Variants in TENM4 observed in about 807,000 individuals in gnomAD.
TENM4 encodes the protein teneurin-4.
Under a neutral mutation model 243.3 loss-of-function variants are expected in TENM4, and 82 were observed. That is an observed-to-expected ratio of 0.34 (90% CI 0.28 to 0.40). The LOEUF (loss-of-function observed/expected upper bound fraction) is 0.40. TENM4 is among the 10% of genes least tolerant of loss of function. TENM4 has a pLI of 1.00. For missense variants in TENM4, 3,138 were observed against 3,673.3 expected (o/e 0.85, Z 3.77); for synonymous variants, 1,412 against 1,456.3 (o/e 0.97, Z 0.69).
chr11:78,852,352 A>C (rs1296986995), intron 12 of TENM4, among the ~76,000 whole-genome samples: 3 of 152,206 alleles, frequency 2.0e-5, no homozygotes, highest in African/African-American at 7.2e-5. Flanking sequence ...ATTTCAAGTA[A>C]GCAGGAAATG....
chr11:79,376,031 C>T lies in TENM4; in HGVS notation c.-321+64478G>A, dbSNP rs937249306. On this transcript the variant is annotated intron_variant, in intron 1 of 33. Coordinates refer to ENST00000278550, the MANE Select transcript of TENM4 (RefSeq NM_001098816.3). ...GGAAAAGTTGTGTTAACACCAAGAA[C>T]ACTGGGGGACTGGATTCCTTAGACC... is the stretch of plus-strand genomic sequence containing the variant. 7.9e-5 allele frequency among the ~76,000 whole-genome samples: 12 copies of T among 152,324 alleles called. 1 individual carries two copies. Among genetic ancestry groups the T allele is most frequent in the Admixed American group, 3.9e-4 (6 of 15,296 alleles).
At chr11:79,393,379 C>G (rs1858275640) in intron 1 of TENM4, among the ~76,000 whole-genome samples, 1 of 152,176 alleles carries the variant, frequency 6.6e-6, no homozygotes, top group Admixed American at 6.5e-5. Flanking sequence ...GTTTCCTCAT[C>G]TTCACACTAA....
At chr11:79,051,920 G>A (rs1859804276) in intron 6 of TENM4, among the ~76,000 whole-genome samples, 1 of 152,164 alleles carries the variant, frequency 6.6e-6, no homozygotes, top group Non-Finnish European at 1.5e-5. Flanking sequence ...ATGGCTTCCA[G>A]CTCCATCCAT....
At chr11:78,695,488 C>T (rs780026142) in intron 28 of TENM4, among the ~76,000 whole-genome samples, 5 of 152,058 alleles carry the variant, frequency 3.3e-5, no homozygotes, top group African/African-American at 4.8e-5. Context: ...CTCAGCCTCC[C>T]GAGTAGCTGG....
chr11:79,070,078 G>A (rs1340655385), intron 4 of TENM4, 69 bp from the exon 5 acceptor site: 1 of 1,447,184 alleles, frequency 6.9e-7, no homozygotes, highest in South Asian at 1.5e-5. Context: ...CCTGGTCCTG[G>A]ATTCACCCTT....
chr11:78,854,989 G>A (rs1355496142), intron 11 of TENM4, among the ~76,000 whole-genome samples: 1 of 152,188 alleles, frequency 6.6e-6, no homozygotes, highest in African/African-American at 2.4e-5. Flanking sequence ...CAGTTACACT[G>A]TGTTAACAAC....
rs1565220021 is a variant in TENM4, at chr11:79,139,016, CTATAAATATATATTATATTTCTAT to C, written c.-66+9670_-66+9693del. 5.8e-4 allele frequency among the ~76,000 whole-genome samples: 10 copies of C among 17,298 alleles called. 2 individuals carry two copies. The highest frequency in any genetic ancestry group is 1.4e-3 in the African/African-American group (10 of 7,222). 11.3% of individuals were successfully genotyped at this position (17,298 alleles called of 152,430 possible). A position where few individuals can be genotyped will look rare whatever the true frequency, so the allele number is the denominator to read the frequency against. On this transcript the variant is annotated intron_variant, in intron 4 of 33. Coordinates refer to ENST00000278550, the MANE Select transcript of TENM4 (RefSeq NM_001098816.3). ...AATATATAAAATATATATTATATTT[CTATAAATATATATTATATTTCTAT>C]AAATATATAAAATATATATTATATT...
At chr11:79,281,628 G>A (rs1450138565) in intron 2 of TENM4, among the ~76,000 whole-genome samples, 2 of 152,102 alleles carry the variant, frequency 1.3e-5, no homozygotes, top group African/African-American at 2.4e-5. Context: ...GGGCCATGGA[G>A]GGAAAATAAG....
chr11:79,389,398 C>G (rs1326909261), intron 1 of TENM4, among the ~76,000 whole-genome samples: 2 of 152,206 alleles, frequency 1.3e-5, no homozygotes, highest in Non-Finnish European at 2.9e-5. Flanking sequence ...CTCAAGCAAT[C>G]CTTCTGCCTT....
intron 12 of TENM4, among the ~76,000 whole-genome samples, chr11:78,827,536 C>G (rs569134074): frequency 6.6e-6 from 1 of 151,642 alleles, no homozygotes; most frequent in Non-Finnish European, 1.5e-5. Context: ...GTTGGCCAGG[C>G]TGGAATGCAA....
At chr11:78,830,010 T>C (rs1461558609) in intron 12 of TENM4, among the ~76,000 whole-genome samples, 1 of 152,194 alleles carries the variant, frequency 6.6e-6, no homozygotes, top group African/African-American at 2.4e-5. Flanking sequence ...AGTGAGTCCG[T>C]GTGAGATGAT....
chr11:79,308,877 C>T lies in TENM4; in HGVS notation c.-320-11334G>A, dbSNP rs375237918. ...CCACTTTTGCAAGCTGCTGTGAGGA[C>T]GGAATGAGAAAAGGAGCAGGAAAGG... On this transcript the variant is annotated intron_variant, in intron 1 of 33. Transcript: ENST00000278550. Among the ~76,000 whole-genome samples the T allele has an allele frequency of 3.3e-4, 50 of 152,184 alleles. 1 individual carries two copies. The South Asian group carries it at 6.2e-3, about 19-fold the overall frequency.
chr11:79,219,848 G>T (rs1420259555), intron 2 of TENM4, among the ~76,000 whole-genome samples: 1 of 152,116 alleles, frequency 6.6e-6, no homozygotes, highest in African/African-American at 2.4e-5. Context: ...TGCTTCTGTT[G>T]GATTTCCCCC....
In TENM4 at chr11:79,295,850, CCGTAAG is replaced by C. The variant is rs530999297; in HGVS notation, c.-265+1632_-265+1637del. On this transcript the variant is annotated intron_variant, in intron 2 of 33. Transcript: ENST00000278550. ...TCTAGGTCTTGTTGAAAAATTACACCCGTAAGTGTTTTTTTTTTTTAATAAGAATTG... is the reference window on the plus strand; with the variant it reads ...TCTAGGTCTTGTTGAAAAATTACACCTGTTTTTTTTTTTTAATAAGAATTG... Among the ~76,000 whole-genome samples the C allele has an allele frequency of 6.3e-3, 576 of 91,688 alleles. 2 individuals are homozygous for C. The highest frequency in any genetic ancestry group is 0.021 in the African/African-American group (470 of 22,324). 60.2% of individuals were successfully genotyped at this position (91,688 alleles called of 152,430 possible).
intron 4 of TENM4, among the ~76,000 whole-genome samples, chr11:79,080,309 C>A (rs1156807475): frequency 2.0e-5 from 3 of 152,194 alleles, no homozygotes; most frequent in South Asian, 2.1e-4. Flanking sequence ...TCGAAGAGCC[C>A]ACAGGAATGT....
chr11:79,206,171 A>T (rs1316209974), intron 3 of TENM4, among the ~76,000 whole-genome samples: 1 of 152,182 alleles, frequency 6.6e-6, no homozygotes, highest in East Asian at 1.9e-4. Context: ...AATCAAAAAG[A>T]AGGCAGAAGA....
At position 78,701,727 on chromosome 11, in the gene TENM4, A is replaced by G. The variant is rs1242833996; in HGVS notation, c.4886T>C (p.Val1629Ala). 1 of 1,613,832 alleles carries G rather than the reference A, an allele frequency of 6.2e-7. No homozygotes were observed. The highest frequency in any genetic ancestry group is 8.5e-7 in the Non-Finnish European group (1 of 1,179,890). ...CCCAGTAGAGTCTCGGCGGACATTT[A>G]CCATGTTGCCATTGTTGTCTGTGAT... Reference protein sequence around the residue: ...TLITDNNGNMVNVRRDSTGMP... With the variant: ...TLITDNNGNMANVRRDSTGMP... The change falls in exon 28 of 34, where the codon GTA becomes GCA. Residue 1629 changes from valine to alanine, a missense_variant. Transcript: ENST00000278550.
At position 78,947,442 on chromosome 11, in the gene TENM4, G is replaced by A. The variant is rs1479219194; in HGVS notation, c.494-43919C>T. Among the ~76,000 whole-genome samples, 3 of 152,028 alleles carry A rather than the reference G, an allele frequency of 2.0e-5. No individual in the cohort carries two copies. The East Asian group carries it at 5.8e-4, about 29-fold the overall frequency. ...GTAGGGAGTGAGGTGGGGACAGGGT[G>A]TGTGGGGACCTGGAAAAGCAGAAGG... is the stretch of plus-strand genomic sequence containing the variant. On this transcript the variant is annotated intron_variant, in intron 6 of 33. Transcript: ENST00000278550.
chr11:79,280,825 G>A (rs1294937376), intron 2 of TENM4, among the ~76,000 whole-genome samples: 2 of 152,204 alleles, frequency 1.3e-5, no homozygotes, highest in African/African-American at 2.4e-5. Flanking sequence ...CTGGGTTAGT[G>A]GGAGCAGGAG....
Sources: gnomAD v4.1 joint callset for allele counts (sites outside exome capture counted in the v4.1 genomes callset) on GRCh38, gnomAD v4.1.1 for gene constraint, MANE v1.5 for transcripts, NCBI Gene and HGNC (gene_info 2026-07-23, HGNC 2026-07-21) for gene names.